Variants in MECOM observed in about 807,000 individuals in gnomAD.
The protein encoded by MECOM is histone-lysine N-methyltransferase MECOM.
A neutral mutation model predicts 116.3 loss-of-function variants in MECOM; 13 were observed. That is an observed-to-expected ratio of 0.11 (90% CI 0.07 to 0.18). MECOM has a LOEUF of 0.18. MECOM is among the 10% of genes least tolerant of loss of function. The pLI is 1.00. For synonymous variants in MECOM, 528 were observed against 535.2 expected, an observed-to-expected ratio of 0.99 and a Z score of 0.19; for missense variants, 1,299 against 1,509.0, an observed-to-expected ratio of 0.86 and a Z score of 2.31.
intron 1 of MECOM, among the ~76,000 whole-genome samples, chr3:169,503,481 T>A (rs1365032553): frequency 6.6e-6 from 1 of 152,226 alleles, no homozygotes; most frequent in Non-Finnish European, 1.5e-5. Context: ...AATGCAATAA[T>A]TTGAACCAGA....
intron 1 of MECOM, among the ~76,000 whole-genome samples, chr3:169,420,298 G>C (rs1739483921): frequency 6.6e-6 from 1 of 152,088 alleles, no homozygotes; most frequent in Non-Finnish European, 1.5e-5. Flanking sequence ...GTCCTAGAAA[G>C]AGCTCTGACC....
intron 1 of MECOM, among the ~76,000 whole-genome samples, chr3:169,417,116 C>A (rs201994137): frequency 8.6e-5 from 13 of 150,782 alleles, no homozygotes. Flanking sequence ...TGGGATCTAA[C>A]TAAACTAAAG....
At chr3:169,625,529 G>A (rs1771261856) in intron 1 of MECOM, among the ~76,000 whole-genome samples, 1 of 152,128 alleles carries the variant, frequency 6.6e-6, no homozygotes. Context: ...GCTGAAACAA[G>A]TTCAGTTCCC....
intron 7 of MECOM, among the ~76,000 whole-genome samples, chr3:169,120,715 T>G (rs181396981): frequency 1.8e-4 from 28 of 152,350 alleles, no homozygotes; most frequent in Non-Finnish European, 1.5e-5. Context: ...TGCTATTTGC[T>G]GCTTTACAAA....
intron 1 of MECOM, among the ~76,000 whole-genome samples, chr3:169,646,552 AG>A (rs1279452281): frequency 6.6e-6 from 1 of 152,174 alleles, no homozygotes; most frequent in Non-Finnish European, 1.5e-5. Context: ...TATTCAATTA[AG>A]TAGCTAGTGA....
chr3:169,420,576 T>A (rs1739547528), intron 1 of MECOM, among the ~76,000 whole-genome samples: 1 of 151,978 alleles, frequency 6.6e-6, no homozygotes, highest in South Asian at 2.1e-4. Flanking sequence ...CCCCTAGAAA[T>A]AGGGAATGGC....
chr3:169,224,553 C>T (rs1752505810), intron 2 of MECOM, among the ~76,000 whole-genome samples: 1 of 152,314 alleles, frequency 6.6e-6, no homozygotes, highest in Non-Finnish European at 1.5e-5. Context: ...GTGGAATATC[C>T]TTTCCTTCAG....
intron 1 of MECOM, among the ~76,000 whole-genome samples, chr3:169,580,019 A>C (rs1195306543): frequency 6.6e-6 from 1 of 152,166 alleles, no homozygotes; most frequent in Non-Finnish European, 1.5e-5. Flanking sequence ...GCAACTCGTC[A>C]CCTGCTAGGA....
Position 169,568,613 on chromosome 3 carries a change from C to G in MECOM, c.37+94723G>C, listed in dbSNP as rs538098733. On this transcript the variant is annotated intron_variant, in intron 1 of 16. Coordinates refer to ENST00000651503, the MANE Select transcript of MECOM (RefSeq NM_004991.4). ...AAACAAAGCCACCAGGAACTTCCAA[C>G]TAGGCACTGCCCACCGCAGCTCAGC... Among the ~76,000 whole-genome samples, 4 of 152,286 alleles carry G rather than the reference C, an allele frequency of 2.6e-5. No individual in the cohort carries two copies. The South Asian group carries it at 8.3e-4, about 32-fold the overall frequency.
At chr3:169,372,562 T>C (rs1319405746) in intron 2 of MECOM, among the ~76,000 whole-genome samples, 2 of 151,972 alleles carry the variant, frequency 1.3e-5, no homozygotes, top group African/African-American at 4.8e-5. Context: ...CATCCAGAGA[T>C]AACTGAACTT....
At chr3:169,630,903 C>T (rs909812055) in intron 1 of MECOM, among the ~76,000 whole-genome samples, 11 of 152,204 alleles carry the variant, frequency 7.2e-5, no homozygotes, top group African/African-American at 2.7e-4. Context: ...GAATTACAGG[C>T]GTGAGCCACT....
chr3:169,263,480 C>G (rs1442606579), intron 2 of MECOM, among the ~76,000 whole-genome samples: 1 of 151,280 alleles, frequency 6.6e-6, no homozygotes, highest in African/African-American at 2.4e-5. Flanking sequence ...ACAGGAACTC[C>G]TAGGTGTGAC....
chr3:169,626,241 C>T (rs1228777024), intron 1 of MECOM, among the ~76,000 whole-genome samples: 2 of 152,182 alleles, frequency 1.3e-5, no homozygotes, highest in Admixed American at 6.5e-5. Flanking sequence ...AACCTGAAGA[C>T]CCATCTCTAC....
intron 1 of MECOM, among the ~76,000 whole-genome samples, chr3:169,393,954 C>A (rs1282902562): frequency 1.3e-5 from 2 of 152,036 alleles, no homozygotes; most frequent in South Asian, 4.1e-4. Flanking sequence ...TCTATACGAA[C>A]CATGACTGCT....
At chr3:169,212,822 C>T (rs1464097056) in intron 2 of MECOM, among the ~76,000 whole-genome samples, 1 of 151,250 alleles carries the variant, frequency 6.6e-6, no homozygotes, top group Non-Finnish European at 1.5e-5. Context: ...CAAGCTCCTG[C>T]TTGCCTTGAG....
chr3:169,536,584 G>A (rs1278789843), intron 1 of MECOM, among the ~76,000 whole-genome samples: 1 of 151,920 alleles, frequency 6.6e-6, no homozygotes, highest in African/African-American at 2.4e-5. Context: ...AAAAATTAGT[G>A]GAGCTAGAGT....
intron 1 of MECOM, among the ~76,000 whole-genome samples, chr3:169,624,156 G>C (rs1771081516): frequency 5.3e-5 from 8 of 152,188 alleles, no homozygotes; most frequent in Admixed American, 5.2e-4. Flanking sequence ...CAGGGGCCTA[G>C]CATACCACGT....
intron 1 of MECOM, among the ~76,000 whole-genome samples, chr3:169,473,994 G>A (rs916129034): frequency 6.6e-6 from 1 of 152,124 alleles, no homozygotes; most frequent in Non-Finnish European, 1.5e-5. Flanking sequence ...CTATGAGCAC[G>A]ACTCAACAGG....
At chr3:169,361,178 C>T (rs1560175044) in intron 2 of MECOM, among the ~76,000 whole-genome samples, 1 of 151,900 alleles carries the variant, frequency 6.6e-6, no homozygotes, top group Non-Finnish European at 1.5e-5. Flanking sequence ...TGCTCCACCG[C>T]ACTACAAGAA....
Sources: gnomAD v4.1 joint callset for allele counts (sites outside exome capture counted in the v4.1 genomes callset) on GRCh38, gnomAD v4.1.1 for gene constraint, MANE v1.5 for transcripts, NCBI Gene and HGNC (gene_info 2026-07-23, HGNC 2026-07-21) for gene names.